MGMT: variants seen among roughly 807,000 people sequenced by gnomAD.
MGMT encodes O-6-methylguanine-DNA methyltransferase.
MGMT carries 14 observed loss-of-function variants against 15.9 expected under a neutral mutation model. That is an observed-to-expected ratio of 0.88 (90% CI 0.58 to 1.37). The LOEUF is 1.37. Ranked by LOEUF, MGMT falls within the 40% of genes most tolerant of loss-of-function variation. MGMT has a pLI of 0.00. For synonymous variants in MGMT, 130 were observed against 118.2 expected (o/e 1.10, Z -0.65); for missense variants, 282 against 268.1 (o/e 1.05, Z -0.36).
At chr10:129,658,311 C>A (rs1305879180) in intron 2 of MGMT, among the ~76,000 whole-genome samples, 1 of 152,102 alleles carries the variant, frequency 6.6e-6, no homozygotes, top group Admixed American at 6.5e-5. Context: ...CGTCGCCTTG[C>A]CTTGCCACCT....
Position 129,690,345 on chromosome 10 carries a change from C to T in MGMT, c.126-17550C>T, listed in dbSNP as rs116303321. Among the ~76,000 whole-genome samples the T allele has an allele frequency of 5.5e-3, 835 of 152,286 alleles. 8 individuals are homozygous for T. The highest frequency in any genetic ancestry group is 0.019 in the African/African-American group (807 of 41,566). ...CATTTTAAGTATATTCAGTAACACC[C>T]GTTTGCCCCCACCTTCCTTCCTTTG... On this transcript the variant is annotated intron_variant, in intron 2 of 4. Coordinates refer to ENST00000651593, the MANE Select transcript of MGMT (RefSeq NM_002412.5).
intron 1 of MGMT, among the ~76,000 whole-genome samples, chr10:129,488,295 A>G (rs1215656390): frequency 2.6e-5 from 4 of 152,174 alleles, no homozygotes; most frequent in Non-Finnish European, 5.9e-5. Context: ...ATCCTGTCTC[A>G]TAGTGATCTT....
At chr10:129,520,376 C>T (rs1052245986) in intron 1 of MGMT, among the ~76,000 whole-genome samples, 2 of 152,134 alleles carry the variant, frequency 1.3e-5, no homozygotes, top group South Asian at 2.1e-4. Context: ...ATTGTATGCA[C>T]GTGTCCTAAA....
chr10:129,674,618 T>G (rs1802617561), intron 2 of MGMT, among the ~76,000 whole-genome samples: 1 of 152,208 alleles, frequency 6.6e-6, no homozygotes, highest in South Asian at 2.1e-4. Flanking sequence ...TGAAAAGAGT[T>G]TCCAAAGGAA....
At chr10:129,741,276 G>A (rs1294412857) in intron 3 of MGMT, among the ~76,000 whole-genome samples, 1 of 152,140 alleles carries the variant, frequency 6.6e-6, no homozygotes, top group African/African-American at 2.4e-5. Flanking sequence ...TGGCCCAGTA[G>A]GTCCCATCTG....
intron 3 of MGMT, among the ~76,000 whole-genome samples, chr10:129,714,470 AT>A (rs1180971288): frequency 5.3e-5 from 8 of 152,168 alleles, no homozygotes; most frequent in African/African-American, 1.9e-4. Context: ...AGTTACTCAT[AT>A]CTCAGTTCAT....
intron 2 of MGMT, among the ~76,000 whole-genome samples, chr10:129,666,164 CT>C (rs753138467): frequency 6.6e-6 from 1 of 152,124 alleles, no homozygotes; most frequent in African/African-American, 2.4e-5. Context: ...CTGGTGTTCT[CT>C]GTATTCTTGT....
chr10:129,650,201 G>T (rs887483515), intron 2 of MGMT, among the ~76,000 whole-genome samples: 1 of 152,222 alleles, frequency 6.6e-6, no homozygotes, highest in Non-Finnish European at 1.5e-5. Flanking sequence ...GAGACCACCA[G>T]TGGGTAGCCT....
intron 3 of MGMT, among the ~76,000 whole-genome samples, chr10:129,719,448 A>G (rs1053127961): frequency 2.0e-5 from 3 of 152,176 alleles, no homozygotes; most frequent in African/African-American, 7.2e-5. Context: ...GGGGTCTTAT[A>G]CAACAGAAAT....
intron 2 of MGMT, among the ~76,000 whole-genome samples, chr10:129,707,041 C>T (rs1329072214): frequency 6.6e-6 from 1 of 152,094 alleles, no homozygotes; most frequent in Non-Finnish European, 1.5e-5. Context: ...GCGGGCGGAT[C>T]ACCTGAGGTC....
chr10:129,657,703 A>ACACG (rs1246758775), intron 2 of MGMT, among the ~76,000 whole-genome samples: 27 of 124,602 alleles, frequency 2.2e-4, no homozygotes, highest in Admixed American at 6.8e-4. Flanking sequence ...ACACACACAC[A>ACACG]CACGCACACA....
chr10:129,753,203 G>T (rs1174744281), intron 3 of MGMT, among the ~76,000 whole-genome samples: 3 of 152,072 alleles, frequency 2.0e-5, no homozygotes, highest in Non-Finnish European at 4.4e-5. Context: ...ACATTCAAAT[G>T]ACTGTTGCCT....
At chr10:129,716,861 C>T (rs1848304857) in intron 3 of MGMT, among the ~76,000 whole-genome samples, 1 of 152,132 alleles carries the variant, frequency 6.6e-6, no homozygotes, top group Non-Finnish European at 1.5e-5. Context: ...GGAGCCAAAT[C>T]GGTTTAAAAG....
rs1375006796 is a variant in MGMT, at chr10:129,556,131, G to A, written c.125+19754G>A. Among the ~76,000 whole-genome samples the A allele has an allele frequency of 3.3e-5, 5 of 152,150 alleles. No individual in the cohort carries two copies. The highest frequency in any genetic ancestry group is 9.7e-5 in the African/African-American group (4 of 41,434). On this transcript the variant is annotated intron_variant, in intron 2 of 4. Coordinates refer to ENST00000651593, the MANE Select transcript of MGMT (RefSeq NM_002412.5). The surrounding 1 kb of genome is among the most constrained non-coding windows in gnomAD (Gnocchi z 4.3). ...TGCCTTGGACCCTGATGGCGCTGGGGGGTTTCATCGCCATTTAACCCTCCG... is the reference window on the plus strand; with the variant it reads ...TGCCTTGGACCCTGATGGCGCTGGGAGGTTTCATCGCCATTTAACCCTCCG...
chr10:129,687,184 T>C (rs1247496950), intron 2 of MGMT, among the ~76,000 whole-genome samples: 1 of 152,002 alleles, frequency 6.6e-6, no homozygotes, highest in Non-Finnish European at 1.5e-5. Context: ...CATTTATTTT[T>C]TAATCCATTT....
At chr10:129,484,670 C>G (rs1845390782) in intron 1 of MGMT, among the ~76,000 whole-genome samples, 1 of 152,070 alleles carries the variant, frequency 6.6e-6, no homozygotes, top group African/African-American at 2.4e-5. Context: ...TAAATGGGAT[C>G]CTAGACATTG....
intron 1 of MGMT, among the ~76,000 whole-genome samples, chr10:129,473,846 A>G (rs7098568): frequency 0.081 from 12,264 of 152,088 alleles, 664 homozygotes; most frequent in East Asian, 0.29. Flanking sequence ...CCTTGTGCCT[A>G]CCCCGCACCC....
intron 2 of MGMT, chr10:129,693,987 C>T (rs1175014199): frequency 6.6e-6 from 1 of 152,158 alleles, no homozygotes; most frequent in African/African-American, 2.4e-5. Flanking sequence ...ATGAGGTGGC[C>T]TGAGGCCCAC....
At chr10:129,511,110 T>C (rs1427669641) in intron 1 of MGMT, among the ~76,000 whole-genome samples, 1 of 143,200 alleles carries the variant, frequency 7.0e-6, no homozygotes, top group Non-Finnish European at 1.5e-5. Flanking sequence ...CTTCATGTGA[T>C]GGGAACCCAG....
Sources: allele counts gnomAD v4.1 joint callset (sites outside exome capture counted in the v4.1 genomes callset), GRCh38; gene constraint gnomAD v4.1.1; non-coding constraint Gnocchi (gnomAD v3.1); transcripts MANE v1.5; gene names NCBI Gene and HGNC (gene_info 2026-07-23, HGNC 2026-07-21).